The following SPAG16 variants were observed in gnomAD, a reference collection of about 807,000 sequenced individuals.
SPAG16 encodes the protein sperm associated antigen 16, also known as sperm-associated antigen 16 protein.
A neutral mutation model predicts 80.4 loss-of-function variants in SPAG16; 86 were observed. That is an observed-to-expected ratio of 1.07 (90% CI 0.90 to 1.28). The LOEUF (loss-of-function observed/expected upper bound fraction) is 1.28, where lower values mean the gene tolerates loss of function less well. Among genes scored for constraint, SPAG16 ranks in the 50% most tolerant of loss-of-function variants. The probability of loss-of-function intolerance (pLI) is 0.00; values close to 1 mark genes in which losing one functional copy is unlikely to be tolerated. For synonymous variants in SPAG16, 294 were observed against 265.9 expected (o/e 1.11, Z -1.03); for missense variants, 870 against 765.3 (o/e 1.14, Z -1.61).
chr2:213,409,554 C>A (rs937938141), intron 9 of SPAG16, among the ~76,000 whole-genome samples: 6 of 152,112 alleles, frequency 3.9e-5, no homozygotes, highest in Admixed American at 3.3e-4. Flanking sequence ...CACTAACCTG[C>A]TCTTTAACAA....
chr2:213,855,949 A>G (rs1033353576), intron 10 of SPAG16, among the ~76,000 whole-genome samples: 3 of 151,924 alleles, frequency 2.0e-5, no homozygotes, highest in African/African-American at 7.3e-5. Flanking sequence ...TCAAAACACA[A>G]TCATGTCCTT....
At chr2:213,882,283 A>G (rs2076372717) in intron 11 of SPAG16, among the ~76,000 whole-genome samples, 1 of 152,118 alleles carries the variant, frequency 6.6e-6, no homozygotes, top group Non-Finnish European at 1.5e-5. Flanking sequence ...ATACTGACCC[A>G]AAGATCCTTT....
chr2:214,151,956 A>G (rs2055993312), intron 15 of SPAG16, among the ~76,000 whole-genome samples: 1 of 152,336 alleles, frequency 6.6e-6, no homozygotes, highest in Admixed American at 6.5e-5. Flanking sequence ...ATAATATTTA[A>G]TGTCTCTAGA....
chr2:214,287,621 G>A (rs1418922485), intron 15 of SPAG16, among the ~76,000 whole-genome samples: 1 of 152,036 alleles, frequency 6.6e-6, no homozygotes, highest in Non-Finnish European at 1.5e-5. Context: ...TTAAAATACT[G>A]ATTTTTCTAT....
intron 9 of SPAG16, among the ~76,000 whole-genome samples, chr2:213,457,134 C>A (rs1483062835): frequency 6.6e-6 from 1 of 152,136 alleles, no homozygotes; most frequent in East Asian, 1.9e-4. Flanking sequence ...CTTAACGTTG[C>A]ATGTTTTTCT....
chr2:213,407,885 GAGAGAGAGAGACAGGAGAGAGGC>G (rs2068736539), intron 9 of SPAG16, among the ~76,000 whole-genome samples: 1 of 87,154 alleles, frequency 1.1e-5, no homozygotes, highest in Admixed American at 1.2e-4. Flanking sequence ...GAGAGAGGCA[GAGAGAGAGAGACAGGAGAGAGGC>G]AGAGAGAGAG....
intron 10 of SPAG16, among the ~76,000 whole-genome samples, chr2:213,738,302 TC>T: frequency 1.3e-5 from 2 of 152,254 alleles, no homozygotes; most frequent in Admixed American, 1.3e-4. Context: ...TGCTATGTTT[TC>T]CCTAAACATA....
rs1021638330 is a variant in SPAG16 at position 214,033,950 on chromosome 2, A to C, written c.1527+19873A>C. On this transcript the variant is annotated intron_variant, in intron 13 of 15. Coordinates refer to ENST00000331683, the MANE Select transcript of SPAG16 (RefSeq NM_024532.5). ...GCCCCAATAGTGCCTTTATAACAAAAGAAAATCCATAATCATGTATTGCAT... is the reference window on the plus strand; with the variant it reads ...GCCCCAATAGTGCCTTTATAACAAACGAAAATCCATAATCATGTATTGCAT... Among the ~76,000 whole-genome samples, 4 of 152,368 alleles carry C rather than the reference A, an allele frequency of 2.6e-5. No individual in the cohort carries two copies. The East Asian group carries it at 7.7e-4, about 29-fold the overall frequency.
chr2:213,727,088 T>C (rs1247850414), intron 10 of SPAG16, among the ~76,000 whole-genome samples: 1 of 152,206 alleles, frequency 6.6e-6, no homozygotes, highest in African/African-American at 2.4e-5. Flanking sequence ...TCTCAAGACA[T>C]AATGAATATA....
chr2:213,481,637 T>G (rs1319776219), intron 9 of SPAG16, among the ~76,000 whole-genome samples: 1 of 152,230 alleles, frequency 6.6e-6, no homozygotes, highest in East Asian at 1.9e-4. Flanking sequence ...GGGCAACCAG[T>G]ATGGCTTCCA....
intron 10 of SPAG16, among the ~76,000 whole-genome samples, chr2:213,761,581 G>C (rs1037273321): frequency 2.0e-5 from 3 of 152,164 alleles, no homozygotes; most frequent in Middle Eastern, 3.2e-3. Context: ...GGACATTCAG[G>C]CTGGGCACGG....
rs753991094 is a variant in SPAG16 at position 213,978,420 on chromosome 2, G to C, written c.1401-35531G>C. On this transcript the variant is annotated intron_variant, in intron 12 of 15. Transcript: ENST00000331683. ...ACTGTTCACAGGCAGCCTCCTCAACGTCAAAACTTTTGCTAACAGTCTGTT... is the reference window on the plus strand; with the variant it reads ...ACTGTTCACAGGCAGCCTCCTCAACCTCAAAACTTTTGCTAACAGTCTGTT... 2.6e-5 allele frequency among the ~76,000 whole-genome samples: 4 copies of C among 151,858 alleles called. 1 individual carries two copies. The highest frequency in any genetic ancestry group is 5.9e-5 in the Non-Finnish European group (4 of 67,980).
intron 11 of SPAG16, among the ~76,000 whole-genome samples, chr2:213,915,584 AACAT>A (rs1180840478): frequency 6.6e-6 from 1 of 152,190 alleles, no homozygotes; most frequent in Non-Finnish European, 1.5e-5. Context: ...TGCTGCAATA[AACAT>A]ACATGTGCAT....
At chr2:213,306,444 G>A (rs1387658427) in intron 3 of SPAG16, among the ~76,000 whole-genome samples, 1 of 6,002 alleles carries the variant, frequency 1.7e-4, no homozygotes. Context: ...CACTCACTTG[G>A]CTGCCCTGGC....
chr2:213,371,396 C>CAA lies in SPAG16; in HGVS notation c.833-3593_833-3592dup, dbSNP rs1161878780. On this transcript the variant is annotated intron_variant, in intron 8 of 15. Coordinates refer to ENST00000331683, the MANE Select transcript of SPAG16 (RefSeq NM_024532.5). ...CTGGCAACACAGCAAGACCGTGTCTCAAAAAAAAAAAAAAAAAAAAAAGAA... is the reference window on the plus strand; with the variant it reads ...CTGGCAACACAGCAAGACCGTGTCTCAAAAAAAAAAAAAAAAAAAAAAAAGAA... Among the ~76,000 whole-genome samples, 33 of 46,366 alleles carry CAA rather than the reference C, an allele frequency of 7.1e-4. 1 individual carries two copies. The highest frequency in any genetic ancestry group is 2.0e-3 in the African/African-American group (31 of 15,284). The allele number at this position is 46,366 out of a possible 152,430, so 30.4% of individuals were successfully genotyped here. A position where few individuals can be genotyped will look rare whatever the true frequency, so the allele number is the denominator to read the frequency against.
intron 13 of SPAG16, among the ~76,000 whole-genome samples, chr2:214,027,596 A>T (rs1171363500): frequency 2.0e-5 from 3 of 151,844 alleles, no homozygotes; most frequent in Non-Finnish European, 4.4e-5. Flanking sequence ...CTAGCTATAT[A>T]CTCTTTCCAG....
At chr2:214,388,121 A>G (rs1045864222) in intron 15 of SPAG16, among the ~76,000 whole-genome samples, 2 of 152,220 alleles carry the variant, frequency 1.3e-5, no homozygotes, top group African/African-American at 4.8e-5. Context: ...TGGAAATGCT[A>G]GAACAAAAAG....
At chr2:213,495,197 C>T (rs546125343) in intron 10 of SPAG16, among the ~76,000 whole-genome samples, 2 of 152,300 alleles carry the variant, frequency 1.3e-5, no homozygotes, top group South Asian at 4.1e-4. Flanking sequence ...TGGAATTGAA[C>T]TTGGGAATTT....
rs749957411 is a variant in SPAG16 at position 213,976,135 on chromosome 2, T to TATATATATACACACACAC, written c.1401-37815_1401-37814insTATATATACACACACACA. Among the ~76,000 whole-genome samples the TATATATATACACACACAC allele has an allele frequency of 1.1e-3, 93 of 81,376 alleles. No homozygotes were observed. In the East Asian group the frequency reaches 0.018, roughly 16 times the overall value. 53.4% of individuals were successfully genotyped at this position (81,376 alleles called of 152,430 possible). A position where few individuals can be genotyped will look rare whatever the true frequency, so the allele number is the denominator to read the frequency against. On this transcript the variant is annotated intron_variant, in intron 12 of 15. Coordinates refer to ENST00000331683, the MANE Select transcript of SPAG16 (RefSeq NM_024532.5). Reference sequence around the variant, plus strand: ...ATATATATATATATATATATATATATACACACACACACACACACACGTATG... The same window carrying TATATATATACACACACAC: ...ATATATATATATATATATATATATATATATATATACACACACACACACACACACACACACACACGTATG...
Sources: allele counts gnomAD v4.1 joint callset (sites outside exome capture counted in the v4.1 genomes callset), GRCh38; gene constraint gnomAD v4.1.1; transcripts MANE v1.5; gene names NCBI Gene and HGNC (gene_info 2026-07-23, HGNC 2026-07-21).